Variants in MSH4 observed in about 807,000 individuals in gnomAD.
The protein encoded by MSH4 is mutS protein homolog 4.
In MSH4, 106 loss-of-function variants were observed where a neutral mutation model predicts 113.7. The observed-to-expected ratio is 0.93, with a 90% CI of 0.80 to 1.10. The LOEUF (loss-of-function observed/expected upper bound fraction) is 1.10. Ranked by LOEUF, MSH4 falls within the 50% of genes least tolerant of loss-of-function variation. The pLI, the probability that MSH4 is intolerant of heterozygous loss-of-function variation, is 0.00. For missense variants in MSH4, 1,061 were observed against 1,093.7 expected, an observed-to-expected ratio of 0.97 and a Z score of 0.42; for synonymous variants, 368 against 380.2, an observed-to-expected ratio of 0.97 and a Z score of 0.37.
At chr1:75,875,019 A>C (rs1651787019) in intron 9 of MSH4, among the ~76,000 whole-genome samples, 2 of 152,102 alleles carry the variant, frequency 1.3e-5, no homozygotes, top group South Asian at 4.1e-4. Context: ...CAGCCTCCTG[A>C]GTAGCTGGGA....
intron 15 of MSH4, among the ~76,000 whole-genome samples, chr1:75,885,923 T>C (rs191912708): frequency 0.04 from 1,220 of 30,480 alleles, 96 homozygotes; most frequent in African/African-American, 0.074. Context: ...ATAATATATA[T>C]GATGTATTAT....
At chr1:75,840,194 A>T (rs1237946309) in intron 7 of MSH4, among the ~76,000 whole-genome samples, 3 of 147,964 alleles carry the variant, frequency 2.0e-5, no homozygotes, top group Non-Finnish European at 4.5e-5. Context: ...ACTATAAATC[A>T]TGCTGCTATA....
At chr1:75,820,077 A>C (rs1289943114) in intron 6 of MSH4, among the ~76,000 whole-genome samples, 3 of 142,482 alleles carry the variant, frequency 2.1e-5, no homozygotes, top group Non-Finnish European at 4.9e-5. Context: ...ATTGTCTTGT[A>C]CTTGTCATCA....
In MSH4 at chr1:75,899,716, T is replaced by G; in HGVS notation, c.2619+10T>G. The G allele has an allele frequency of 1.4e-6, 2 of 1,400,704 alleles. No homozygotes were observed. The highest frequency in any genetic ancestry group is 1.9e-6 in the Non-Finnish European group (2 of 1,053,378). 86.8% of individuals were successfully genotyped at this position (1,400,704 alleles called of 1,614,324 possible). On this transcript the variant is annotated intron_variant, in intron 19 of 19. Coordinates refer to ENST00000263187, the MANE Select transcript of MSH4 (RefSeq NM_002440.4). Reference sequence around the variant, plus strand: ...TACGAGACAAATTTTGGTAAGAAACTTTGTTCTTATTTGTTCTTCAAATTA... The same window carrying G: ...TACGAGACAAATTTTGGTAAGAAACGTTGTTCTTATTTGTTCTTCAAATTA...
At chr1:75,813,972 C>T (rs1366040916) in intron 4 of MSH4, among the ~76,000 whole-genome samples, 1 of 152,090 alleles carries the variant, frequency 6.6e-6, no homozygotes, top group Non-Finnish European at 1.5e-5. Context: ...AGAAAAGTTA[C>T]TTGACTTTTC....
intron 7 of MSH4, among the ~76,000 whole-genome samples, chr1:75,825,768 A>G: frequency 6.6e-6 from 1 of 152,146 alleles, no homozygotes; most frequent in East Asian, 1.9e-4. Flanking sequence ...GATTACATTT[A>G]GTGATTTGCA....
intron 17 of MSH4, among the ~76,000 whole-genome samples, chr1:75,892,114 C>T (rs1652269217): frequency 6.6e-6 from 1 of 152,116 alleles, no homozygotes; most frequent in Non-Finnish European, 1.5e-5. Flanking sequence ...CTGAATAGAA[C>T]AAAAAGCCTT....
At chr1:75,883,526 G>GA in intron 14 of MSH4, 95 bp from the exon 15 acceptor site, 4 of 982,326 alleles carry the variant, frequency 4.1e-6, no homozygotes, top group Non-Finnish European at 5.9e-6. Context: ...TGACCAGTGT[G>GA]AAAATCACTA....
At chr1:75,808,078 C>G (rs976065115) in intron 3 of MSH4, among the ~76,000 whole-genome samples, 1 of 152,108 alleles carries the variant, frequency 6.6e-6, no homozygotes, top group African/African-American at 2.4e-5. Context: ...CCTTTTTGTA[C>G]ATCATTTATT....
intron 8 of MSH4, among the ~76,000 whole-genome samples, chr1:75,861,127 C>T (rs1310726899): frequency 6.6e-6 from 1 of 151,846 alleles, no homozygotes; most frequent in Non-Finnish European, 1.5e-5. Context: ...CATTTAAGCT[C>T]TTCTCTACAT....
intron 7 of MSH4, among the ~76,000 whole-genome samples, chr1:75,839,997 A>G (rs903856629): frequency 5.4e-5 from 8 of 148,028 alleles, no homozygotes; most frequent in African/African-American, 2.0e-4. Flanking sequence ...TAGAATGGCA[A>G]TCATTAAAAA....
At chr1:75,884,912 A>G (rs763151373) in intron 15 of MSH4, among the ~76,000 whole-genome samples, 1 of 151,340 alleles carries the variant, frequency 6.6e-6, no homozygotes, top group Non-Finnish European at 1.5e-5. Flanking sequence ...TTCATGTAAG[A>G]CATAATACTT....
At chr1:75,848,131 G>C in intron 7 of MSH4, 78 bp from the exon 8 acceptor site, 1 of 902,122 alleles carries the variant, frequency 1.1e-6, no homozygotes, top group Admixed American at 2.3e-5. Flanking sequence ...TTTATTCTTT[G>C]AGGATAATAT....
At chr1:75,906,515 A>G (rs1411214753) in intron 19 of MSH4, among the ~76,000 whole-genome samples, 2 of 200 alleles carry the variant, frequency 0.01, 1 homozygote, top group Non-Finnish European at 0.022. Flanking sequence ...ATAATATATA[A>G]TATGTATATA....
intron 1 of MSH4, 25 bp from the exon 2 acceptor site, chr1:75,803,706 T>C: frequency 6.7e-7 from 1 of 1,484,764 alleles, no homozygotes; most frequent in Non-Finnish European, 9.1e-7. Flanking sequence ...TCTTTAAGAA[T>C]TGACTGTTAA....
intron 4 of MSH4, among the ~76,000 whole-genome samples, chr1:75,813,220 G>C (rs1003800111): frequency 3.3e-5 from 5 of 152,144 alleles, no homozygotes; most frequent in Non-Finnish European, 7.4e-5. Context: ...TCACACGTTA[G>C]AGTAATCACT....
chr1:75,883,651 T>C lies in MSH4; in HGVS notation c.1937T>C (p.Ile646Thr). The part of the protein sequence containing the change: ...VRPEFTDTLA[I>T]KQGWHPILEK... Reference sequence around the variant, plus strand: ...CCAGAATTTACTGATACTTTAGCAATCAAACAGGGATGGCATCCTATTCTT... The same window carrying C: ...CCAGAATTTACTGATACTTTAGCAACCAAACAGGGATGGCATCCTATTCTT... The change falls in exon 15 of 20, where the codon ATC becomes ACC. Residue 646 changes from isoleucine to threonine, a missense_variant. By Grantham distance (89) the Ile-to-Thr change is moderately conservative (BLOSUM62 -1). Transcript: ENST00000263187. 26 of 1,613,034 alleles carry C rather than the reference T, an allele frequency of 1.6e-5. No homozygotes were observed. The highest frequency in any genetic ancestry group is 2.1e-5 in the Non-Finnish European group (25 of 1,179,584).
Position 75,912,862 on chromosome 1 carries a change from A to C in MSH4, c.2786A>C (p.Gln929Pro). The change falls in exon 20 of 20, where the codon CAA becomes CCA. Residue 929 changes from glutamine to proline, a missense_variant. By Grantham distance (76) the Gln-to-Pro change is moderately conservative. Coordinates refer to ENST00000263187, the MANE Select transcript of MSH4 (RefSeq NM_002440.4). ...AAAGAAGATTTTCCCAGGACTGAAC[A>C]AGTTCCAGAAAAGACTGAAGAATAA... ...KYKEDFPRTE[Q>P]VPEKTEE 2 of 1,537,838 alleles carry C rather than the reference A, an allele frequency of 1.3e-6. No homozygotes were observed. The highest frequency in any genetic ancestry group is 1.7e-6 in the Non-Finnish European group (2 of 1,145,138).
In MSH4 at chr1:75,797,137, C is replaced by T; in HGVS notation, c.152C>T (p.Ser51Phe). The T allele has an allele frequency of 1.9e-6, 3 of 1,613,766 alleles. No individual in the cohort carries two copies. The highest frequency in any genetic ancestry group is 2.5e-6 in the Non-Finnish European group (3 of 1,179,806). ...SRPSVQVVSA[S>F]TCPGTSGAAG... ...CCTTCGGTCCAGGTGGTCTCTGCAT[C>T]CACCTGTCCTGGCACGTCAGGAGCT... The change falls in exon 1 of 20, where the codon TCC (serine) becomes TTC (phenylalanine). Residue 51 changes from serine to phenylalanine, a missense_variant. Coordinates refer to ENST00000263187, the MANE Select transcript of MSH4 (RefSeq NM_002440.4).
Sources: gnomAD v4.1 joint callset for allele counts (sites outside exome capture counted in the v4.1 genomes callset) on GRCh38, gnomAD v4.1.1 for gene constraint, MANE v1.5 for transcripts, NCBI Gene and HGNC (gene_info 2026-07-23, HGNC 2026-07-21) for gene names.